Variants in GULP1 observed in about 807,000 individuals in gnomAD.
GULP1 encodes the protein PTB domain-containing engulfment adapter protein 1.
In GULP1, 19 loss-of-function variants were observed where a neutral mutation model predicts 40.9. That is an observed-to-expected ratio of 0.46 (90% CI 0.32 to 0.68). The LOEUF is 0.68. Ranked by LOEUF, GULP1 falls within the 30% of genes least tolerant of loss-of-function variation. The pLI is 0.03. For synonymous variants in GULP1, 119 were observed against 117.6 expected, an observed-to-expected ratio of 1.01 and a Z score of -0.08; for missense variants, 312 against 362.2, an observed-to-expected ratio of 0.86 and a Z score of 1.12.
At chr2:188,566,648 T>C (rs1442782186) in intron 7 of GULP1, among the ~76,000 whole-genome samples, 1 of 151,454 alleles carries the variant, frequency 6.6e-6, no homozygotes, top group Admixed American at 6.6e-5. Context: ...TAAAAAAAAT[T>C]AGCTGGGTGT....
At chr2:188,508,843 T>G (rs575482791) in intron 4 of GULP1, among the ~76,000 whole-genome samples, 1 of 152,072 alleles carries the variant, frequency 6.6e-6, no homozygotes, top group South Asian at 2.1e-4. Flanking sequence ...AAGCAAATAT[T>G]TATTGAGTGC....
At chr2:188,452,056 T>C (rs1353560731) in intron 2 of GULP1, among the ~76,000 whole-genome samples, 1 of 152,226 alleles carries the variant, frequency 6.6e-6, no homozygotes, top group Admixed American at 6.5e-5. Flanking sequence ...AAAGTAAGTA[T>C]ATGCACTACA....
chr2:188,503,509 C>T (rs557541686), intron 4 of GULP1, among the ~76,000 whole-genome samples: 3 of 152,024 alleles, frequency 2.0e-5, no homozygotes, highest in South Asian at 2.1e-4. Context: ...AACTGCCCCC[C>T]GTGATCCATC....
intron 1 of GULP1, among the ~76,000 whole-genome samples, chr2:188,299,612 A>G (rs984931511): frequency 1.3e-5 from 2 of 152,238 alleles, no homozygotes; most frequent in African/African-American, 4.8e-5. Flanking sequence ...ATACTTATCA[A>G]ATAACACTTG....
intron 2 of GULP1, among the ~76,000 whole-genome samples, chr2:188,415,920 G>T (rs910615905): frequency 2.6e-5 from 4 of 152,116 alleles, no homozygotes; most frequent in Non-Finnish European, 4.4e-5. Flanking sequence ...ATGCCCCAGT[G>T]CTCTGTTAGA....
chr2:188,465,963 GTGTGTATA>G (rs2060078696), intron 2 of GULP1, among the ~76,000 whole-genome samples: 1 of 150,186 alleles, frequency 6.7e-6, no homozygotes, highest in Admixed American at 6.6e-5. Flanking sequence ...AGGTGTGTGT[GTGTGTATA>G]TGTGTGTGTG....
intron 1 of GULP1, among the ~76,000 whole-genome samples, chr2:188,341,178 T>C (rs892017145): frequency 1.3e-5 from 2 of 152,258 alleles, no homozygotes; most frequent in African/African-American, 4.8e-5. Context: ...CCTGTTCCTA[T>C]CACTGGCATC....
intron 2 of GULP1, among the ~76,000 whole-genome samples, chr2:188,388,111 A>G (rs2050025558): frequency 1.4e-5 from 2 of 141,984 alleles, no homozygotes; most frequent in Admixed American, 7.9e-5. Flanking sequence ...ATTCCCATCT[A>G]TGAGTGAGAA....
intron 4 of GULP1, among the ~76,000 whole-genome samples, chr2:188,519,580 C>T (rs914222231): frequency 1.3e-5 from 2 of 152,148 alleles, no homozygotes; most frequent in African/African-American, 2.4e-5. Context: ...GAACTGTTTA[C>T]CCCAGGGATG....
intron 7 of GULP1, among the ~76,000 whole-genome samples, chr2:188,556,669 A>G (rs933527216): frequency 3.3e-5 from 5 of 152,130 alleles, no homozygotes; most frequent in Admixed American, 1.3e-4. Flanking sequence ...GCACATTTGT[A>G]TAAAAGTCAC....
At chr2:188,430,260 T>G (rs1486485343) in intron 2 of GULP1, among the ~76,000 whole-genome samples, 2 of 152,174 alleles carry the variant, frequency 1.3e-5, no homozygotes, top group East Asian at 1.9e-4. Flanking sequence ...ATGTAAAAAC[T>G]TATCTCTCAA....
chr2:188,413,850 A>C (rs1331457777), intron 2 of GULP1, among the ~76,000 whole-genome samples: 1 of 152,178 alleles, frequency 6.6e-6, no homozygotes, highest in Non-Finnish European at 1.5e-5. Flanking sequence ...GTGTTTGTTA[A>C]GAGATGTTCC....
intron 7 of GULP1, among the ~76,000 whole-genome samples, chr2:188,552,893 ATG>A (rs1199053818): frequency 6.7e-6 from 1 of 150,238 alleles, no homozygotes; most frequent in Non-Finnish European, 1.5e-5. Context: ...ATATACATAT[ATG>A]TGTTTATCTC....
At chr2:188,503,506 C>T (rs566526101) in intron 4 of GULP1, among the ~76,000 whole-genome samples, 2 of 151,972 alleles carry the variant, frequency 1.3e-5, no homozygotes, top group African/African-American at 4.8e-5. Context: ...GGAAACTGCC[C>T]CCCGTGATCC....
At chr2:188,424,485 A>G (rs966779027) in intron 2 of GULP1, among the ~76,000 whole-genome samples, 1 of 151,910 alleles carries the variant, frequency 6.6e-6, no homozygotes, top group African/African-American at 2.4e-5. Context: ...AATTTCAACA[A>G]TATATTATTT....
chr2:188,330,216 G>A, intron 1 of GULP1, among the ~76,000 whole-genome samples: 1 of 151,878 alleles, frequency 6.6e-6, no homozygotes, highest in Non-Finnish European at 1.5e-5. Context: ...CTTAAGATTA[G>A]GTAAGTATTT....
rs1248145484 is a variant in GULP1, at chr2:188,595,170, T to C, written c.*1159T>C. 3 of 151,696 alleles carry C rather than the reference T, an allele frequency of 2.0e-5. No homozygotes were observed. Among genetic ancestry groups the C allele is most frequent in the African/African-American group, 7.2e-5 (3 of 41,394 alleles). The allele number at this position is 151,696 out of a possible 1,614,324, so 9.4% of individuals were successfully genotyped here. A position where few individuals can be genotyped will look rare whatever the true frequency, so the allele number is the denominator to read the frequency against. On this transcript the variant is annotated 3_prime_UTR_variant, in exon 12 of 12. Transcript: ENST00000409830. ...TGATGAACCTGGACTTTTAAAAATA[T>C]TTGTTTCCTATACCTTTACCCTTTA...
chr2:188,345,409 A>C (rs1338712498), intron 1 of GULP1, among the ~76,000 whole-genome samples: 1 of 152,234 alleles, frequency 6.6e-6, no homozygotes, highest in African/African-American at 2.4e-5. Context: ...TATGAGAGGC[A>C]GCTGTCTCAG....
chr2:188,386,004 C>T lies in GULP1; in HGVS notation c.-45+2115C>T, dbSNP rs1430732295. On this transcript the variant is annotated intron_variant, in intron 2 of 11. Coordinates refer to ENST00000409830, the MANE Select transcript of GULP1 (RefSeq NM_016315.4). ...TCAGCCTCTGCCTGTTAACCAGTTC[C>T]TAAGTTGCTTCTACATCTTTAGGTA... Among the ~76,000 whole-genome samples, 5 of 152,206 alleles carry T rather than the reference C, an allele frequency of 3.3e-5. No homozygotes were observed. In the South Asian group the frequency reaches 1.0e-3, roughly 31 times the overall value.
Sources: gnomAD v4.1 joint callset for allele counts (sites outside exome capture counted in the v4.1 genomes callset) on GRCh38, gnomAD v4.1.1 for gene constraint, MANE v1.5 for transcripts, NCBI Gene and HGNC (gene_info 2026-07-23, HGNC 2026-07-21) for gene names.